Variants in USP20 observed in about 807,000 individuals in gnomAD.
The protein encoded by USP20 is ubiquitin carboxyl-terminal hydrolase 20.
Under a neutral mutation model 124.2 loss-of-function variants are expected in USP20, and 80 were observed. The ratio of observed to expected loss-of-function variants is 0.64; its 90% CI spans 0.54 to 0.78. USP20 has a LOEUF of 0.78. Among genes scored for constraint, USP20 ranks in the 30% least tolerant of loss-of-function variants. USP20 has a pLI of 0.00. For synonymous variants in USP20, 481 were observed against 512.3 expected (o/e 0.94, Z 0.83); for missense variants, 1,043 against 1,244.4 (o/e 0.84, Z 2.44).
chr9:129,870,355 T>G, intron 14 of USP20, 98 bp from the exon 15 acceptor site: 1 of 1,346,050 alleles, frequency 7.4e-7, no homozygotes, highest in South Asian at 1.3e-5. Context: ...TCAGGGTCCT[T>G]CTGCGGCTCA....
intron 8 of USP20, among the ~76,000 whole-genome samples, chr9:129,861,981 A>T (rs995397791): frequency 2.0e-5 from 3 of 152,158 alleles, no homozygotes; most frequent in African/African-American, 7.2e-5. Flanking sequence ...TGAGTGGGGG[A>T]AAAAGGAGGT....
chr9:129,856,246 T>C lies in USP20; in HGVS notation c.82-61T>C. 7 of 1,549,842 alleles carry C rather than the reference T, an allele frequency of 4.5e-6. No individual in the cohort carries two copies. The South Asian group carries it at 7.8e-5, about 17-fold the overall frequency. On this transcript the variant is annotated intron_variant, in intron 3 of 25. Transcript: ENST00000372429. ...GCCCTCCAGGCAGGAGCAGTCTCAG[T>C]GCTCAGCCCCGCAACGGGCTCCTCA...
At chr9:129,846,672 G>A (rs374168128) in intron 1 of USP20, among the ~76,000 whole-genome samples, 3 of 148,900 alleles carry the variant, frequency 2.0e-5, no homozygotes, top group African/African-American at 7.5e-5. Flanking sequence ...CACCCAGGCC[G>A]GAGTGCAGTG....
chr9:129,851,053 T>C (rs955178551), intron 2 of USP20, among the ~76,000 whole-genome samples: 2 of 152,228 alleles, frequency 1.3e-5, no homozygotes, highest in African/African-American at 4.8e-5. Flanking sequence ...TGGACCTTAT[T>C]TGGCAACAGT....
intron 1 of USP20, among the ~76,000 whole-genome samples, chr9:129,846,247 A>ATATATATATGTATT (rs1554742656): frequency 6.1e-5 from 2 of 32,684 alleles, no homozygotes; most frequent in East Asian, 1.1e-3. Flanking sequence ...ATATATATAT[A>ATATATATATGTATT]TTTTTTTTTT....
At chr9:129,873,827 C>G (rs2034255071) in intron 17 of USP20, 83 bp downstream of exon 17, 1 of 1,516,578 alleles carries the variant, frequency 6.6e-7, no homozygotes, top group Admixed American at 1.7e-5. Flanking sequence ...TGAGCCTGCT[C>G]CACTGCTCGG....
intron 22 of USP20, 27 bp downstream of exon 22, chr9:129,876,265 C>A: frequency 1.3e-6 from 2 of 1,581,042 alleles, no homozygotes; most frequent in South Asian, 1.1e-5. Context: ...GGCGCGGGGG[C>A]GGCTCTGCCA....
At chr9:129,837,253 C>T (rs915221641) in intron 1 of USP20, among the ~76,000 whole-genome samples, 2 of 152,268 alleles carry the variant, frequency 1.3e-5, no homozygotes, top group Admixed American at 6.5e-5. Flanking sequence ...AAGGACCCTC[C>T]GAGAAATACA....
intron 9 of USP20, 135 bp downstream of exon 9, chr9:129,863,434 G>A: frequency 1.6e-6 from 1 of 644,198 alleles, no homozygotes; most frequent in South Asian, 2.6e-5. Flanking sequence ...AATGCTTGCA[G>A]CAAGCCTGCG....
chr9:129,879,440 T>C lies in USP20; in HGVS notation c.2513-133T>C, dbSNP rs2034546429. 1.2e-6 allele frequency: 1 copy of C among 802,656 alleles called. No individual in the cohort carries two copies. Among genetic ancestry groups the C allele is most frequent in the Non-Finnish European group, 2.1e-6 (1 of 482,944 alleles). 49.7% of individuals were successfully genotyped at this position (802,656 alleles called of 1,614,324 possible). On this transcript the variant is annotated intron_variant, in intron 23 of 25. Coordinates refer to ENST00000372429, the MANE Select transcript of USP20 (RefSeq NM_001110303.4). This position sits in a 1 kb window ranked among gnomAD's most constrained non-coding sequence, Gnocchi z 4.2. ...CTGCCACAGAGGAGCATTGGGTGGC[T>C]CAGGCGCCTCATCCATTAGAGACTT...
intron 1 of USP20, among the ~76,000 whole-genome samples, chr9:129,844,617 C>G (rs2032426561): frequency 9.0e-6 from 1 of 111,372 alleles, no homozygotes; most frequent in Non-Finnish European, 1.7e-5. Context: ...GAGCGCGACT[C>G]TGTCTCAAAA....
intron 13 of USP20, 106 bp downstream of exon 13, chr9:129,869,531 T>G: frequency 6.5e-7 from 1 of 1,527,152 alleles, no homozygotes; most frequent in East Asian, 2.3e-5. Flanking sequence ...CTCCCTGCTT[T>G]TATCCAGGGG....
At chr9:129,858,236 T>C (rs1017006204) in intron 5 of USP20, 124 bp downstream of exon 5, 75 of 1,196,602 alleles carry the variant, frequency 6.3e-5, no homozygotes, top group Non-Finnish European at 8.6e-5. Flanking sequence ...CTAGCATAGC[T>C]TCTGCAAAGA....
intron 3 of USP20, among the ~76,000 whole-genome samples, chr9:129,854,853 A>G (rs369747805): frequency 1.4e-4 from 21 of 152,260 alleles, no homozygotes; most frequent in East Asian, 3.9e-4. Flanking sequence ...CTTCAACCCC[A>G]TGTTCAGGCT....
At position 129,858,100 on chromosome 9, in the gene USP20, C is replaced by T; in HGVS notation, c.186C>T (p.Thr62=). 1.9e-6 allele frequency: 3 copies of T among 1,613,910 alleles called. No homozygotes were observed. Among genetic ancestry groups the T allele is most frequent in the Non-Finnish European group, 2.5e-6 (3 of 1,180,004 alleles). ...GAGAATCCTTTGCTGACCACAGCAC[C>T]ATTCATGCACAGGTGAGTGTGGTGG... is the stretch of plus-strand genomic sequence containing the variant. ...GCGESFADHS[T]IHAQAKKHNL... is the part of the protein sequence containing the mutation. The change falls in exon 5 of 26, where the codon ACC becomes ACT. Residue 62 remains threonine (T), a synonymous_variant. Transcript: ENST00000372429.
At chr9:129,854,436 C>G (rs967849374) in intron 3 of USP20, among the ~76,000 whole-genome samples, 1 of 152,140 alleles carries the variant, frequency 6.6e-6, no homozygotes, top group African/African-American at 2.4e-5. Flanking sequence ...CATGTACAGA[C>G]TTGGGTGACC....
rs778065634 is a variant in USP20 at position 129,873,733 on chromosome 9, C to T, written c.1729C>T (p.Arg577Trp). 1.9e-5 allele frequency: 31 copies of T among 1,612,576 alleles called. No homozygotes were observed. The highest frequency in any genetic ancestry group is 1.6e-4 in the Middle Eastern group (1 of 6,082). ...RNGVKYCKVL[R>W]LPEILCIHLK... ...CGGAGTGAAGTACTGCAAAGTCCTG[C>T]GGTTGCCCGAGGTGAGCCAGTGGCC... The change falls in exon 17 of 26, where the codon CGG becomes TGG. Residue 577 changes from arginine to tryptophan, a missense_variant. Transcript: ENST00000372429.
intron 22 of USP20, 141 bp downstream of exon 22, chr9:129,876,379 C>T (rs2034410289): frequency 7.4e-6 from 5 of 675,682 alleles, no homozygotes; most frequent in Non-Finnish European, 2.6e-6. Context: ...TGGCTCACAC[C>T]TGTAATCCCA....
At position 129,837,098 on chromosome 9, in the gene USP20, T is replaced by C. The variant is rs538982175; in HGVS notation, c.-129+1599T>C. On this transcript the variant is annotated intron_variant, in intron 1 of 25. Coordinates refer to ENST00000372429, the MANE Select transcript of USP20 (RefSeq NM_001110303.4). ...ACCCAGTGATAACCACCACCTGTGC[T>C]GTGGCAGATCTAATTGAGTGCTCTT... 3.3e-5 allele frequency among the ~76,000 whole-genome samples: 5 copies of C among 152,340 alleles called. No homozygotes were observed. The South Asian group carries it at 1.0e-3, about 32-fold the overall frequency.
Sources: gnomAD v4.1 joint callset for allele counts (sites outside exome capture counted in the v4.1 genomes callset) on GRCh38, gnomAD v4.1.1 for gene constraint, Gnocchi (gnomAD v3.1) non-coding constraint, MANE v1.5 for transcripts, NCBI Gene and HGNC (gene_info 2026-07-23, HGNC 2026-07-21) for gene names.